Variants in IL1RAPL1 observed in about 807,000 individuals in gnomAD.
IL1RAPL1 encodes interleukin-1 receptor accessory protein-like 1.
In IL1RAPL1, 3 loss-of-function variants were observed where a neutral mutation model predicts 48.4. The observed-to-expected ratio is 0.06, with a 90% confidence interval of 0.03 to 0.16. The LOEUF is 0.16. Among genes scored for constraint, IL1RAPL1 ranks in the 10% least tolerant of loss-of-function variants. The pLI, the probability that IL1RAPL1 is intolerant of heterozygous loss-of-function variation, is 1.00. For missense variants in IL1RAPL1, 349 were observed against 530.6 expected (o/e 0.66, Z 3.36); for synonymous variants, 185 against 187.7 (o/e 0.99, Z 0.12).
At chrX:29,105,517 A>G (rs775424498) in intron 2 of IL1RAPL1, among the ~76,000 whole-genome samples, 22 of 112,321 alleles carry the variant, frequency 2.0e-4, no homozygotes, top group Middle Eastern at 4.6e-3. Context: ...AGAAGTTGCC[A>G]GAAATTAAAA....
chrX:29,837,019 G>A (rs111396161), intron 6 of IL1RAPL1, among the ~76,000 whole-genome samples: 5,189 of 108,550 alleles, frequency 0.048, 318 homozygotes, highest in African/African-American at 0.16. Context: ...CAGCACTTTG[G>A]GAGGCCGAGG....
intron 2 of IL1RAPL1, among the ~76,000 whole-genome samples, chrX:28,840,797 C>A (rs1371693343): frequency 9.1e-6 from 1 of 110,394 alleles, no homozygotes; most frequent in Admixed American, 9.7e-5. Context: ...GAGACTAGAA[C>A]CCCTGGAAGC....
chrX:29,440,582 G>GA (rs2147718890), intron 5 of IL1RAPL1, among the ~76,000 whole-genome samples: 1 of 111,972 alleles, frequency 8.9e-6, no homozygotes, highest in African/African-American at 3.2e-5. Context: ...TCAAGATCAA[G>GA]AAAAATGATA....
chrX:29,483,522 A>G (rs12859065), intron 5 of IL1RAPL1, among the ~76,000 whole-genome samples: 19 of 111,652 alleles, frequency 1.7e-4, no homozygotes, highest in African/African-American at 5.5e-4. Context: ...TCGGCACCAC[A>G]CAGAAGTTAA....
intron 3 of IL1RAPL1, among the ~76,000 whole-genome samples, chrX:29,283,849 C>T (rs1187230810): frequency 8.9e-6 from 1 of 112,459 alleles, no homozygotes; most frequent in Non-Finnish European, 1.9e-5. Flanking sequence ...TCTTTGTCAG[C>T]TTCTGGAAGA....
chrX:29,566,199 A>G (rs756836369), intron 5 of IL1RAPL1, among the ~76,000 whole-genome samples: 2 of 112,020 alleles, frequency 1.8e-5, no homozygotes, highest in South Asian at 7.4e-4. Context: ...TTGGCCTCCC[A>G]AAGTGCTGGG....
At chrX:29,304,087 G>A (rs1435574028) in intron 3 of IL1RAPL1, among the ~76,000 whole-genome samples, 7 of 111,316 alleles carry the variant, frequency 6.3e-5, no homozygotes, top group African/African-American at 2.0e-4. Context: ...TCCTCAGGTC[G>A]CTGGAACTTG....
intron 2 of IL1RAPL1, among the ~76,000 whole-genome samples, chrX:28,857,116 C>T (rs995623769): frequency 2.7e-5 from 3 of 112,181 alleles, no homozygotes; most frequent in Non-Finnish European, 5.6e-5. Context: ...CTACAACATT[C>T]CCTTACGCCA....
rs747695431 is a variant in IL1RAPL1 at position 29,171,375 on chromosome X, A to G, written c.83-111563A>G. Among the ~76,000 whole-genome samples, 53 of 111,087 alleles carry G rather than the reference A, an allele frequency of 4.8e-4. 1 individual carries two copies. The highest frequency in any genetic ancestry group is 9.2e-3 in the Middle Eastern group (2 of 217). ...CAGGTCTGTGTGAATGACCTGAACT[A>G]CTCTGGTCCTCAATTTTTTTCACCC... On this transcript the variant is annotated intron_variant, in intron 2 of 10. Transcript: ENST00000378993.
intron 5 of IL1RAPL1, among the ~76,000 whole-genome samples, chrX:29,633,458 G>GATAT (rs746226680): frequency 0.015 from 1,474 of 96,992 alleles, 33 homozygotes; most frequent in African/African-American, 0.054. Context: ...ACAATTTATC[G>GATAT]ATATATATAT....
At chrX:29,038,242 C>T (rs1275951603) in intron 2 of IL1RAPL1, among the ~76,000 whole-genome samples, 1 of 111,617 alleles carries the variant, frequency 9.0e-6, no homozygotes, top group Non-Finnish European at 1.9e-5. Flanking sequence ...TGTGGGCAGC[C>T]TGAGACAACC....
intron 5 of IL1RAPL1, among the ~76,000 whole-genome samples, chrX:29,459,768 A>G (rs1246648031): frequency 8.9e-6 from 1 of 112,056 alleles, no homozygotes; most frequent in Non-Finnish European, 1.9e-5. Flanking sequence ...TTTTGTGGTG[A>G]GAACACATAA....
intron 6 of IL1RAPL1, among the ~76,000 whole-genome samples, chrX:29,823,797 A>G (rs1485311350): frequency 8.9e-6 from 1 of 111,895 alleles, no homozygotes; most frequent in African/African-American, 3.2e-5. Context: ...TTTGAGATTT[A>G]AAAATGAAGG....
intron 1 of IL1RAPL1, among the ~76,000 whole-genome samples, chrX:28,707,590 C>T (rs1230975766): frequency 9.0e-6 from 1 of 111,634 alleles, no homozygotes; most frequent in African/African-American, 3.3e-5. Context: ...ACTCTTTTTT[C>T]ATCTATTAAA....
intron 6 of IL1RAPL1, among the ~76,000 whole-genome samples, chrX:29,851,746 C>T (rs191057068): frequency 0.032 from 3,511 of 111,117 alleles, 134 homozygotes; most frequent in African/African-American, 0.11. Flanking sequence ...GTTCTGATGG[C>T]TTTTCTTGTG....
intron 5 of IL1RAPL1, among the ~76,000 whole-genome samples, chrX:29,431,233 A>T (rs192916023): frequency 2.4e-4 from 27 of 112,230 alleles, no homozygotes; most frequent in African/African-American, 8.4e-4. Context: ...TCTGACTTGA[A>T]TGTGCTCTAC....
intron 2 of IL1RAPL1, among the ~76,000 whole-genome samples, chrX:28,889,405 A>C (rs1436797816): frequency 9.0e-6 from 1 of 111,409 alleles, no homozygotes; most frequent in Non-Finnish European, 1.9e-5. Context: ...AATAATGATA[A>C]AAGCTATTAA....
chrX:29,873,892 T>A (rs1397292799), intron 6 of IL1RAPL1, among the ~76,000 whole-genome samples: 1 of 112,079 alleles, frequency 8.9e-6, no homozygotes, highest in Non-Finnish European at 1.9e-5. Context: ...TACGAGGTTA[T>A]CTGTTAGTGC....
intron 6 of IL1RAPL1, among the ~76,000 whole-genome samples, chrX:29,808,459 TA>T (rs1336605017): frequency 9.0e-6 from 1 of 111,596 alleles, no homozygotes; most frequent in African/African-American, 3.3e-5. Context: ...TAAGGTTCAG[TA>T]TGTTTGTTAT....
Sources: gnomAD v4.1 joint callset for allele counts (sites outside exome capture counted in the v4.1 genomes callset) on GRCh38, gnomAD v4.1.1 for gene constraint, MANE v1.5 for transcripts, NCBI Gene and HGNC (gene_info 2026-07-23, HGNC 2026-07-21) for gene names.